ZFC3H1: variants seen among roughly 807,000 people sequenced by gnomAD.
The protein encoded by ZFC3H1 is zinc finger C3H1 domain-containing protein.
A neutral mutation model predicts 243.7 loss-of-function variants in ZFC3H1; 71 were observed. The ratio of observed to expected loss-of-function variants is 0.29; its 90% CI spans 0.24 to 0.36. The LOEUF is 0.36. ZFC3H1 is among the 10% of genes least tolerant of loss of function. The pLI is 1.00. For synonymous variants in ZFC3H1, 838 were observed against 813.0 expected (o/e 1.03, Z -0.52); for missense variants, 1,966 against 2,317.1 (o/e 0.85, Z 3.11).
Position 71,637,146 on chromosome 12 carries a change from T to A in ZFC3H1, c.1726-87A>T, listed in dbSNP as rs573815603. On this transcript the variant is annotated intron_variant, in intron 7 of 34. Transcript: ENST00000378743. ...GCAGCAATATTAAACTAGAAAAAAATAAACTTTACATTATTATTTTAGCTG... is the reference window on the plus strand; with the variant it reads ...GCAGCAATATTAAACTAGAAAAAAAAAAACTTTACATTATTATTTTAGCTG... The A allele has an allele frequency of 8.9e-4, 1,018 of 1,139,418 alleles. 2 individuals carry two copies. Among genetic ancestry groups the A allele is most frequent in the Admixed American group, 1.5e-3 (53 of 35,446 alleles). 70.6% of individuals were successfully genotyped at this position (1,139,418 alleles called of 1,614,324 possible).
chr12:71,646,416 T>C (rs950588462), intron 3 of ZFC3H1, among the ~76,000 whole-genome samples: 1 of 152,192 alleles, frequency 6.6e-6, no homozygotes, highest in Non-Finnish European at 1.5e-5. Context: ...ATTTAAAAAT[T>C]TGTACCTAAG....
intron 1 of ZFC3H1, among the ~76,000 whole-genome samples, chr12:71,660,948 C>T (rs1052630861): frequency 2.0e-5 from 3 of 150,948 alleles, no homozygotes; most frequent in Non-Finnish European, 3.0e-5. Context: ...CTTCGTCTCC[C>T]CAAAAAAAAA....
rs903481945 is a variant in ZFC3H1 at position 71,610,273 on chromosome 12, G to C, written c.*155C>G. 2 of 875,358 alleles carry C rather than the reference G, an allele frequency of 2.3e-6. No individual in the cohort carries two copies. Among genetic ancestry groups the C allele is most frequent in the South Asian group, 4.1e-5 (2 of 48,226 alleles). 54.2% of individuals were successfully genotyped at this position (875,358 alleles called of 1,614,324 possible). Reference sequence around the variant, plus strand: ...GAAGAGGATCATGTTCATTGCTTCCGGTTTTGAGGACAGGATATTGTAGGG... The same window carrying C: ...GAAGAGGATCATGTTCATTGCTTCCCGTTTTGAGGACAGGATATTGTAGGG... On this transcript the variant is annotated 3_prime_UTR_variant, in exon 35 of 35. Coordinates refer to ENST00000378743, the MANE Select transcript of ZFC3H1 (RefSeq NM_144982.5).
chr12:71,611,346 A>AT, intron 32 of ZFC3H1: 9 of 277,432 alleles, frequency 3.2e-5, no homozygotes, highest in Middle Eastern at 1.0e-3. Flanking sequence ...CGTTCACAGG[A>AT]GAAAAAAAAA....
At chr12:71,623,626 A>G in intron 23 of ZFC3H1, 29 bp from the exon 24 acceptor site, 1 of 1,520,248 alleles carries the variant, frequency 6.6e-7, no homozygotes, top group African/African-American at 1.4e-5. Flanking sequence ...TTTTTGATAA[A>G]AAAATTAGAG....
At chr12:71,611,010 A>G in intron 33 of ZFC3H1, 48 bp downstream of exon 33, 1 of 1,579,024 alleles carries the variant, frequency 6.3e-7, no homozygotes, top group African/African-American at 1.4e-5. Flanking sequence ...CAAAAGAGAC[A>G]GAAAAACTTT....
Position 71,663,108 on chromosome 12 carries a change from CCTCCTCGCTCACCCA to C in ZFC3H1, c.488_502del (p.Val163_Gly167del). The C allele has an allele frequency of 6.2e-7, 1 of 1,613,994 alleles. No individual in the cohort carries two copies. The highest frequency in any genetic ancestry group is 8.5e-7 in the Non-Finnish European group (1 of 1,180,026). ...CAGAGGAGGTCTGCACCCCGGCTTG[CCTCCTCGCTCACCCA>C]CTCCTCGCCCCCGACTCCAGCGACT... On this transcript the variant is annotated inframe_deletion, in exon 1 of 35. Coordinates refer to ENST00000378743, the MANE Select transcript of ZFC3H1 (RefSeq NM_144982.5).
intron 16 of ZFC3H1, among the ~76,000 whole-genome samples, chr12:71,631,202 T>C (rs996939819): frequency 3.9e-5 from 6 of 152,088 alleles, no homozygotes; most frequent in African/African-American, 1.2e-4. Context: ...ATTCTAAAAG[T>C]AGTTTCTCAC....
intron 10 of ZFC3H1, 66 bp downstream of exon 10, chr12:71,635,377 G>A (rs1416702432): frequency 1.2e-5 from 18 of 1,510,376 alleles, no homozygotes; most frequent in Non-Finnish European, 1.5e-5. Context: ...TAATTTTCAG[G>A]AAAAAATAAA....
intron 30 of ZFC3H1, 118 bp from the exon 31 acceptor site, chr12:71,613,553 AATGTATG>A: frequency 3.4e-6 from 2 of 592,770 alleles, no homozygotes; most frequent in Non-Finnish European, 5.8e-6. Context: ...AAATTATAAT[AATGTATG>A]ATGTTGTGAG....
rs748345502 is a variant in ZFC3H1 at position 71,662,993 on chromosome 12, G to A, written c.598+20C>T. On this transcript the variant is annotated intron_variant, in intron 1 of 34. Coordinates refer to ENST00000378743, the MANE Select transcript of ZFC3H1 (RefSeq NM_144982.5). ...GAACTTTAGTGACACACCCAGCGCC[G>A]ACCGCCACGTTAAGGATACAGCTCT... 2 of 1,570,162 alleles carry A rather than the reference G, an allele frequency of 1.3e-6. No individual in the cohort carries two copies. The highest frequency in any genetic ancestry group is 3.7e-5 in the Admixed American group (2 of 54,792).
Position 71,623,527 on chromosome 12 carries a change from C to A in ZFC3H1, c.4577G>T (p.Trp1526Leu). The change falls in exon 24 of 35, where the codon TGG becomes TTG. Residue 1526 changes from tryptophan to leucine, a missense_variant. Trp to Leu is a moderately conservative substitution (Grantham distance 61). Coordinates refer to ENST00000378743, the MANE Select transcript of ZFC3H1 (RefSeq NM_144982.5). ...TTCAATAAGATGTATGTAGGCCAAC[C>A]ATGCCAAACATCGATCACTGGTTTT... ...YLKTSDRCLA[W>L]LAYIHLIEFN... is the part of the protein sequence containing the mutation. 1 of 1,613,650 alleles carries A rather than the reference C, an allele frequency of 6.2e-7. No individual in the cohort carries two copies. Among genetic ancestry groups the A allele is most frequent in the Non-Finnish European group, 8.5e-7 (1 of 1,179,814 alleles).
chr12:71,632,851 T>C, intron 14 of ZFC3H1, 35 bp downstream of exon 14: 2 of 1,598,544 alleles, frequency 1.3e-6, no homozygotes, highest in Non-Finnish European at 1.7e-6. Flanking sequence ...AACTTTCTGC[T>C]TTCCAAAAGT....
rs114589714 is a variant in ZFC3H1 at position 71,649,307 on chromosome 12, C to T, written c.1016-1494G>A. On this transcript the variant is annotated intron_variant, in intron 2 of 34. Coordinates refer to ENST00000378743, the MANE Select transcript of ZFC3H1 (RefSeq NM_144982.5). ...GTGTGTTATAAGCCACAGCCATCCA[C>T]ATCTGGTATTACAATTTACTGTCTG... Among the ~76,000 whole-genome samples, 683 of 152,270 alleles carry T rather than the reference C, an allele frequency of 4.5e-3. 6 individuals are homozygous for T. Among genetic ancestry groups the T allele is most frequent in the African/African-American group, 0.016 (657 of 41,568 alleles).
At chr12:71,628,070 T>C (rs1148993) in intron 20 of ZFC3H1, 136 bp from the exon 21 acceptor site, 485,250 of 836,116 alleles carry the variant, frequency 0.58, 150,521 homozygotes, top group Middle Eastern at 0.69. Context: ...CTCACAGCTT[T>C]AAGGTAGAGC....
chr12:71,633,217 T>A, intron 13 of ZFC3H1, 47 bp downstream of exon 13: 1 of 1,512,694 alleles, frequency 6.6e-7, no homozygotes, highest in Non-Finnish European at 8.8e-7. Context: ...ATTTGGCCTA[T>A]AAAAATGTGT....
chr12:71,649,091 CAAAAAAAAAA>C (rs35231608), intron 2 of ZFC3H1, among the ~76,000 whole-genome samples: 2 of 89,822 alleles, frequency 2.2e-5, no homozygotes, highest in African/African-American at 3.9e-5. Context: ...ACTCTTGTCT[CAAAAAAAAAA>C]AAAAAAAAAG....
chr12:71,611,660 GAA>G (rs35052856), intron 32 of ZFC3H1, 124 bp downstream of exon 32: 10,735 of 107,152 alleles, frequency 0.1, 571 homozygotes, highest in East Asian at 0.33. Flanking sequence ...ATCTGTCCAG[GAA>G]AAAAAAAAAA....
In ZFC3H1 at chr12:71,626,314, C is replaced by T; in HGVS notation, c.4263G>A (p.Gln1421=). The change falls in exon 22 of 35, where the codon CAG becomes CAA. Residue 1421 remains glutamine (Q), a synonymous_variant. Coordinates refer to ENST00000378743, the MANE Select transcript of ZFC3H1 (RefSeq NM_144982.5). ...ATTCAACAGCTGTTTCACACATTTC[C>T]TGCACCTCGTCCTTGGTTCCTCTTT... ...FSKRGTKDEV[Q]EMCETAVEYA... The T allele has an allele frequency of 6.2e-7, 1 of 1,613,962 alleles. No homozygotes were observed. Among genetic ancestry groups the T allele is most frequent in the African/African-American group, 1.3e-5 (1 of 74,984 alleles).
Sources: gnomAD v4.1 joint callset for allele counts (sites outside exome capture counted in the v4.1 genomes callset) on GRCh38, gnomAD v4.1.1 for gene constraint, MANE v1.5 for transcripts, NCBI Gene and HGNC (gene_info 2026-07-23, HGNC 2026-07-21) for gene names.